SND1: variants seen among roughly 807,000 people sequenced by gnomAD.
SND1 encodes the protein staphylococcal nuclease and tudor domain containing 1, also known as staphylococcal nuclease domain-containing protein 1.
SND1 carries 38 observed loss-of-function variants against 121.7 expected under a neutral mutation model. The ratio of observed to expected loss-of-function variants is 0.31; its 90% CI spans 0.24 to 0.41. The LOEUF (loss-of-function observed/expected upper bound fraction) is 0.41. Ranked by LOEUF, SND1 falls within the 10% of genes least tolerant of loss-of-function variation. SND1 has a pLI of 1.00. For missense variants in SND1, 868 were observed against 1,184.6 expected, an observed-to-expected ratio of 0.73 and a Z score of 3.92; for synonymous variants, 401 against 447.4, an observed-to-expected ratio of 0.90 and a Z score of 1.31.
At chr7:127,683,121 A>G (rs969297512) in intron 1 of SND1, among the ~76,000 whole-genome samples, 3 of 152,244 alleles carry the variant, frequency 2.0e-5, no homozygotes, top group African/African-American at 7.2e-5. Flanking sequence ...AAGAACTTGA[A>G]TAAAGACTGT....
At chr7:127,880,296 A>G (rs929914473) in intron 12 of SND1, among the ~76,000 whole-genome samples, 4 of 152,130 alleles carry the variant, frequency 2.6e-5, no homozygotes, top group African/African-American at 9.7e-5. Flanking sequence ...TTACTGTGCT[A>G]AATTATAGGT....
At position 128,029,302 on chromosome 7, in the gene SND1, T is replaced by G. The variant is rs1263070975; in HGVS notation, c.1779+38246T>G. The G allele has an allele frequency of 3.1e-6, 5 of 1,614,116 alleles. No individual in the cohort carries two copies. Among genetic ancestry groups the G allele is most frequent in the Non-Finnish European group, 4.2e-6 (5 of 1,180,028 alleles). ...GTGAAGAAGCTGTAGTTGGAGGTGT[T>G]AAGCTCAGCCGTGCTCACATTGAGG... On this transcript the variant is annotated intron_variant, in intron 16 of 23. Transcript: ENST00000354725. The surrounding 1 kb of genome is among the most constrained non-coding windows in gnomAD (Gnocchi z 4.2).
At chr7:127,895,960 G>T (rs1584648897) in intron 13 of SND1, among the ~76,000 whole-genome samples, 1 of 152,062 alleles carries the variant, frequency 6.6e-6, no homozygotes, top group East Asian at 1.9e-4. Flanking sequence ...AGGGGCTGGG[G>T]TATAGCTGAC....
chr7:127,756,087 T>C (rs1797190135), intron 10 of SND1, among the ~76,000 whole-genome samples: 1 of 152,334 alleles, frequency 6.6e-6, no homozygotes, highest in South Asian at 2.1e-4. Flanking sequence ...GCCTTTGAAG[T>C]ATTAGAGCTG....
chr7:128,006,831 G>A (rs1449507220), intron 16 of SND1, among the ~76,000 whole-genome samples: 1 of 152,250 alleles, frequency 6.6e-6, no homozygotes, highest in African/African-American at 2.4e-5. Context: ...ACTTACCTGA[G>A]TGGGCAGTTA....
At chr7:127,656,615 T>G (rs1293456291) in intron 1 of SND1, among the ~76,000 whole-genome samples, 14 of 152,204 alleles carry the variant, frequency 9.2e-5, no homozygotes, top group Non-Finnish European at 1.5e-5. Context: ...GTTTCTGAAC[T>G]AAGAAGTGTG....
chr7:128,034,541 C>T (rs1043888934), intron 16 of SND1, among the ~76,000 whole-genome samples: 2 of 152,218 alleles, frequency 1.3e-5, no homozygotes, highest in African/African-American at 2.4e-5. Flanking sequence ...TGTAGGCAAA[C>T]TCAAACCCTG....
intron 15 of SND1, among the ~76,000 whole-genome samples, chr7:127,947,141 C>A (rs1021973346): frequency 1.3e-5 from 2 of 152,122 alleles, no homozygotes; most frequent in Admixed American, 1.3e-4. Flanking sequence ...AACTGTGAGG[C>A]CAGGGGTCTT....
chr7:127,976,305 C>T (rs1255389300), intron 15 of SND1, among the ~76,000 whole-genome samples: 1 of 152,276 alleles, frequency 6.6e-6, no homozygotes, highest in African/African-American at 2.4e-5. Flanking sequence ...GCGGAGCACA[C>T]TGGAGCAGCT....
chr7:127,997,971 T>C, intron 16 of SND1: 1 of 534,808 alleles, frequency 1.9e-6, no homozygotes, highest in Non-Finnish European at 3.8e-6. Flanking sequence ...CATGTATCTG[T>C]TGTGCACTTA....
chr7:127,672,070 G>T (rs1228285424), intron 1 of SND1, among the ~76,000 whole-genome samples: 2 of 152,192 alleles, frequency 1.3e-5, no homozygotes, highest in Non-Finnish European at 2.9e-5. Context: ...AACAGTAACA[G>T]TGCTGAGAGT....
In SND1 at chr7:127,831,686, A is replaced by G. The variant is rs547216910; in HGVS notation, c.1243-12638A>G. Among the ~76,000 whole-genome samples the G allele has an allele frequency of 2.6e-5, 4 of 152,294 alleles. No homozygotes were observed. In the East Asian group the frequency reaches 5.8e-4, roughly 22 times the overall value. On this transcript the variant is annotated intron_variant, in intron 11 of 23. Transcript: ENST00000354725. Reference sequence around the variant, plus strand: ...TGTGGGAACTATTGTGATGAAACAGATGCTCAAAGGTGAAGACCCTGCTTG... The same window carrying G: ...TGTGGGAACTATTGTGATGAAACAGGTGCTCAAAGGTGAAGACCCTGCTTG...
chr7:127,816,802 A>G (rs192333406), intron 11 of SND1, among the ~76,000 whole-genome samples: 19 of 151,608 alleles, frequency 1.3e-4, no homozygotes, highest in Non-Finnish European at 2.4e-4. Context: ...TAGCTGGACT[A>G]CAGGCATGTA....
chr7:127,683,761 A>G (rs1353674170), intron 1 of SND1, among the ~76,000 whole-genome samples: 1 of 152,234 alleles, frequency 6.6e-6, no homozygotes, highest in African/African-American at 2.4e-5. Flanking sequence ...TCTTTTGCTT[A>G]GGAAGTTGAA....
chr7:127,710,471 A>G (rs1796279458), intron 9 of SND1, among the ~76,000 whole-genome samples: 1 of 151,882 alleles, frequency 6.6e-6, no homozygotes. Flanking sequence ...AAAGTCAGCA[A>G]TGTTCTTAGT....
intron 16 of SND1, among the ~76,000 whole-genome samples, chr7:128,008,623 TG>T (rs1803040951): frequency 6.6e-6 from 1 of 152,124 alleles, no homozygotes; most frequent in South Asian, 2.1e-4. Context: ...GGGCACAGGG[TG>T]GGCCCATGAG....
At chr7:127,717,196 TG>T (rs1405234713) in intron 9 of SND1, among the ~76,000 whole-genome samples, 1 of 152,256 alleles carries the variant, frequency 6.6e-6, no homozygotes, top group Non-Finnish European at 1.5e-5. Context: ...ATTGTATTTT[TG>T]TTATAGTTAG....
intron 16 of SND1, among the ~76,000 whole-genome samples, chr7:128,037,914 G>A (rs533335343): frequency 1.5e-4 from 23 of 152,196 alleles, no homozygotes; most frequent in East Asian, 5.8e-4. Context: ...ACACTTAAGC[G>A]TTTACCAGTA....
intron 8 of SND1, among the ~76,000 whole-genome samples, chr7:127,707,240 G>A (rs1201524565): frequency 6.6e-6 from 1 of 152,072 alleles, no homozygotes. Flanking sequence ...TAGATGTGTG[G>A]GTTCTTCCCA....
Sources: gnomAD v4.1 joint callset for allele counts (sites outside exome capture counted in the v4.1 genomes callset) on GRCh38, gnomAD v4.1.1 for gene constraint, Gnocchi (gnomAD v3.1) non-coding constraint, MANE v1.5 for transcripts, NCBI Gene and HGNC (gene_info 2026-07-23, HGNC 2026-07-21) for gene names.